Variants in COL14A1 observed in about 807,000 individuals in gnomAD.
COL14A1 encodes the protein collagen type XIV alpha 1 chain, also known as collagen alpha-1(XIV) chain.
COL14A1 carries 136 observed loss-of-function variants against 230.3 expected under a neutral mutation model. The observed-to-expected ratio is 0.59, with a 90% CI of 0.51 to 0.68. The LOEUF is 0.68. Among genes scored for constraint, COL14A1 ranks in the 30% least tolerant of loss-of-function variants. COL14A1 has a pLI of 0.00. For synonymous variants in COL14A1, 792 were observed against 784.1 expected (o/e 1.01, Z -0.17); for missense variants, 1,976 against 2,215.8 (o/e 0.89, Z 2.17).
chr8:120,139,102 TC>T (rs1171114327), intron 1 of COL14A1, among the ~76,000 whole-genome samples: 1 of 152,246 alleles, frequency 6.6e-6, no homozygotes, highest in African/African-American at 2.4e-5. Flanking sequence ...GTTACAGAAC[TC>T]CTGTGGGTTG....
chr8:120,250,660 C>T lies in COL14A1; in HGVS notation c.2646C>T (p.Asn882=), dbSNP rs1818910729. ...AAACGTTTGTGGGAGCTGACATTAA[C>T]ACCATCCTTATCACAAACCTCCTCA... is the stretch of plus-strand genomic sequence containing the variant. ...TLETFVGADI[N]TILITNLLSG... is the part of the protein sequence containing the mutation. Residue 882 remains asparagine (N), a synonymous_variant, in exon 22 of 48, where the codon AAC becomes AAT. Transcript: ENST00000297848. The T allele has an allele frequency of 1.2e-6, 2 of 1,614,254 alleles. No individual in the cohort carries two copies. Among genetic ancestry groups the T allele is most frequent in the Non-Finnish European group, 1.7e-6 (2 of 1,180,034 alleles).
At position 120,251,628 on chromosome 8, in the gene COL14A1, C is replaced by T. The variant is rs573632907; in HGVS notation, c.2752+862C>T. ...ATATTCCTGAAGTTTGTTATACCTC[C>T]GCATGATCTGTTTATTTATTTGGAT... On this transcript the variant is annotated intron_variant, in intron 22 of 47. Coordinates refer to ENST00000297848, the MANE Select transcript of COL14A1 (RefSeq NM_021110.4). 1.1e-4 allele frequency among the ~76,000 whole-genome samples: 16 copies of T among 152,278 alleles called. No individual in the cohort carries two copies. The South Asian group carries it at 1.5e-3, about 14-fold the overall frequency.
intron 26 of COL14A1, among the ~76,000 whole-genome samples, chr8:120,272,126 T>G (rs1819686328): frequency 6.6e-6 from 1 of 151,544 alleles, no homozygotes; most frequent in African/African-American, 2.4e-5. Flanking sequence ...ACAGGAGAGA[T>G]TAGGGTCCTA....
chr8:120,360,886 C>T (rs978084990), intron 45 of COL14A1, among the ~76,000 whole-genome samples: 2 of 152,088 alleles, frequency 1.3e-5, no homozygotes, highest in South Asian at 2.1e-4. Context: ...GCAAGGTCAG[C>T]CCAATGGAAA....
At chr8:120,161,760 T>C (rs1809609114) in intron 3 of COL14A1, among the ~76,000 whole-genome samples, 1 of 152,084 alleles carries the variant, frequency 6.6e-6, no homozygotes, top group South Asian at 2.1e-4. Flanking sequence ...GCCTCCTGGG[T>C]TCAAACGATT....
At chr8:120,330,663 C>A (rs752452071) in intron 40 of COL14A1, among the ~76,000 whole-genome samples, 4 of 152,120 alleles carry the variant, frequency 2.6e-5, no homozygotes, top group Non-Finnish European at 5.9e-5. Flanking sequence ...TGGGTGGGGA[C>A]ACAGCCAAAC....
intron 26 of COL14A1, among the ~76,000 whole-genome samples, chr8:120,270,780 C>T (rs1407824799): frequency 2.6e-5 from 4 of 151,582 alleles, no homozygotes; most frequent in African/African-American, 4.8e-5. Flanking sequence ...TTGGCAGAAA[C>T]GTAAATTAAT....
Position 120,262,961 on chromosome 8 carries a change from A to G in COL14A1, c.2963A>G (p.Tyr988Cys), listed in dbSNP as rs1399373200. 1 of 1,613,664 alleles carries G rather than the reference A, an allele frequency of 6.2e-7. No individual in the cohort carries two copies. Among genetic ancestry groups the G allele is most frequent in the African/African-American group, 1.3e-5 (1 of 75,012 alleles). The change falls in exon 24 of 48, where the codon TAT (tyrosine) becomes TGT (cysteine). Residue 988 changes from tyrosine to cysteine, a missense_variant. Around this residue, in one of 3 missense-constraint regions of COL14A1, gnomAD observed 1,791 missense variants for 2,019.5 expected, o/e 0.89. Coordinates refer to ENST00000297848, the MANE Select transcript of COL14A1 (RefSeq NM_021110.4). ...GATTCTGAATATAAAATCAGTGTTT[A>G]TACAAAGCTCCAGGAGATTGAAGGA... Reference protein sequence around the residue: ...QPDSEYKISVYTKLQEIEGPS... With the variant: ...QPDSEYKISVCTKLQEIEGPS...
intron 44 of COL14A1, among the ~76,000 whole-genome samples, chr8:120,343,637 G>A (rs956971807): frequency 2.6e-5 from 4 of 152,260 alleles, no homozygotes; most frequent in African/African-American, 7.2e-5. Flanking sequence ...GTATTTTAAC[G>A]TTATTTAATT....
intron 34 of COL14A1, among the ~76,000 whole-genome samples, chr8:120,294,286 A>G (rs1178402723): frequency 1.3e-5 from 2 of 151,794 alleles, no homozygotes; most frequent in Admixed American, 1.3e-4. Flanking sequence ...TTTTCCTGCT[A>G]ACATTTGACC....
intron 5 of COL14A1, among the ~76,000 whole-genome samples, chr8:120,176,676 C>A (rs754431402): frequency 7.9e-5 from 12 of 152,006 alleles, no homozygotes; most frequent in Non-Finnish European, 4.4e-5. Flanking sequence ...CTGGCAAGAG[C>A]CTGACTCCAC....
intron 19 of COL14A1, among the ~76,000 whole-genome samples, chr8:120,232,836 G>A (rs1353346694): frequency 7.2e-5 from 11 of 152,160 alleles, no homozygotes; most frequent in South Asian, 4.1e-4. Flanking sequence ...TTGAGGAATC[G>A]CTACACTGCC....
intron 45 of COL14A1, among the ~76,000 whole-genome samples, chr8:120,364,107 G>A (rs10955971): frequency 0.24 from 36,717 of 152,006 alleles, 6,716 homozygotes; most frequent in African/African-American, 0.51. Context: ...CCTGAGTCTC[G>A]GTGTTTTTGT....
chr8:120,221,459 T>A (rs1817930819), intron 14 of COL14A1, among the ~76,000 whole-genome samples: 1 of 152,116 alleles, frequency 6.6e-6, no homozygotes, highest in African/African-American at 2.4e-5. Context: ...CTTCATTAGA[T>A]GAAGTAAAAT....
At chr8:120,187,609 C>G (rs1422011641) in intron 5 of COL14A1, among the ~76,000 whole-genome samples, 1 of 152,186 alleles carries the variant, frequency 6.6e-6, no homozygotes, top group East Asian at 1.9e-4. Flanking sequence ...TTTGGAGTTT[C>G]TCATGATGTC....
chr8:120,152,615 A>C (rs929852974), intron 2 of COL14A1, among the ~76,000 whole-genome samples: 7 of 152,158 alleles, frequency 4.6e-5, no homozygotes, highest in Non-Finnish European at 8.8e-5. Context: ...GTGAACCTAC[A>C]TTGGCTCAAA....
rs1262812037 is a variant in COL14A1, at chr8:120,216,342, A to G, written c.1598-9A>G. 1 of 1,593,942 alleles carries G rather than the reference A, an allele frequency of 6.3e-7. No homozygotes were observed. The highest frequency in any genetic ancestry group is 1.4e-5 in the African/African-American group (1 of 73,254). On this transcript the variant is annotated splice_polypyrimidine_tract_variant and intron_variant, in intron 13 of 47. Coordinates refer to ENST00000297848, the MANE Select transcript of COL14A1 (RefSeq NM_021110.4). ...ATTTTAATTATTTTCTATTCCATTT[A>G]CTGCCAAGTGGCTTTAAGTCCACCA...
intron 35 of COL14A1, among the ~76,000 whole-genome samples, chr8:120,299,414 A>G (rs541801735): frequency 6.6e-6 from 1 of 152,230 alleles, no homozygotes; most frequent in South Asian, 2.1e-4. Flanking sequence ...GGGAAGGTAG[A>G]TGGGAAACTG....
In COL14A1 at chr8:120,371,731, G is replaced by A. The variant is rs1004633992; in HGVS notation, c.*500G>A. On this transcript the variant is annotated 3_prime_UTR_variant, in exon 48 of 48. Transcript: ENST00000297848. ...AAACTACCTCTTGTTTAATTGATCT[G>A]TCCAACTCTGAGATCACTTGGTAAC... 3 of 397,412 alleles carry A rather than the reference G, an allele frequency of 7.5e-6. No homozygotes were observed. Among genetic ancestry groups the A allele is most frequent in the African/African-American group, 4.1e-5 (2 of 48,568 alleles). 24.6% of individuals were successfully genotyped at this position (397,412 alleles called of 1,614,324 possible).
Sources: gnomAD v4.1 joint callset for allele counts (sites outside exome capture counted in the v4.1 genomes callset) on GRCh38, gnomAD v4.1.1 for gene constraint, gnomAD v4.1.1 regional missense constraint, MANE v1.5 for transcripts, NCBI Gene and HGNC (gene_info 2026-07-23, HGNC 2026-07-21) for gene names.